Variants in ANKRD33B observed in about 807,000 individuals in gnomAD.
The protein encoded by ANKRD33B is ankyrin repeat domain-containing protein 33B.
Under a neutral mutation model 21.5 loss-of-function variants are expected in ANKRD33B, and 6 were observed. That is an observed-to-expected ratio of 0.28 (90% CI 0.15 to 0.55). ANKRD33B has a LOEUF of 0.55. Among genes scored for constraint, ANKRD33B ranks in the 20% least tolerant of loss-of-function variants. ANKRD33B has a pLI of 0.94. For synonymous variants in ANKRD33B, 347 were observed against 342.4 expected, an observed-to-expected ratio of 1.01 and a Z score of -0.15; for missense variants, 698 against 747.2, an observed-to-expected ratio of 0.93 and a Z score of 0.77.
chr5:10,623,157 G>C (rs1348895628), intron 2 of ANKRD33B, among the ~76,000 whole-genome samples: 1 of 152,162 alleles, frequency 6.6e-6, no homozygotes, highest in South Asian at 2.1e-4. Flanking sequence ...GGAGCTTAGT[G>C]CCCTCCCTGG....
intron 1 of ANKRD33B, among the ~76,000 whole-genome samples, chr5:10,585,438 T>C (rs531961903): frequency 1.3e-5 from 2 of 152,340 alleles, no homozygotes; most frequent in Non-Finnish European, 2.9e-5. Flanking sequence ...TAGGTCTGAC[T>C]TCGAGTCTCC....
In ANKRD33B at chr5:10,616,564, C is replaced by CAA. The variant is rs56895208; in HGVS notation, c.367-1752_367-1751dup. 1.3e-3 allele frequency among the ~76,000 whole-genome samples: 158 copies of CAA among 117,540 alleles called. 11 individuals carry two copies. Among genetic ancestry groups the CAA allele is most frequent in the Non-Finnish European group, 1.6e-3 (95 of 59,690 alleles). 77.1% of individuals were successfully genotyped at this position (117,540 alleles called of 152,430 possible). A position where few individuals can be genotyped will look rare whatever the true frequency, so the allele number is the denominator to read the frequency against. On this transcript the variant is annotated intron_variant, in intron 1 of 3. Coordinates refer to ENST00000296657, the MANE Select transcript of ANKRD33B (RefSeq NM_001164440.2). ...GGGCAACAAGAGTGAAACTCTGTCT[C>CAA]AAAAAAAAAAAAAAAAAATCTGGTG...
At chr5:10,635,914 A>G (rs1365283894) in intron 2 of ANKRD33B, among the ~76,000 whole-genome samples, 1 of 152,230 alleles carries the variant, frequency 6.6e-6, no homozygotes, top group East Asian at 1.9e-4. Context: ...TGCCTACTGG[A>G]GATCTCAGCC....
intron 3 of ANKRD33B, among the ~76,000 whole-genome samples, chr5:10,638,494 C>T (rs1736928160): frequency 4.6e-5 from 7 of 152,230 alleles, no homozygotes; most frequent in Admixed American, 4.6e-4. Context: ...AAGGGGTGAT[C>T]CCTTGGCTGT....
intron 1 of ANKRD33B, among the ~76,000 whole-genome samples, chr5:10,609,543 A>C (rs1224130477): frequency 6.6e-6 from 1 of 152,108 alleles, no homozygotes; most frequent in East Asian, 1.9e-4. Flanking sequence ...CTGTCTCCAA[A>C]AAAAATTTTC....
rs1200396106 is a variant in ANKRD33B at position 10,564,293 on chromosome 5, C to T, written c.-175C>T. ...CCACCCCAGGGGCTCGCTCAGCCTC[C>T]GGAGACTTTTTTCTTTGAGCGCAGC... On this transcript the variant is annotated 5_prime_UTR_variant, in exon 1 of 4. Transcript: ENST00000296657. The T allele has an allele frequency of 6.8e-6, 2 of 296,238 alleles. No individual in the cohort carries two copies. Among genetic ancestry groups the T allele is most frequent in the Admixed American group, 1.3e-4 (2 of 15,876 alleles). The allele number at this position is 296,238 out of a possible 1,614,324, so 18.4% of individuals were successfully genotyped here.
intron 3 of ANKRD33B, among the ~76,000 whole-genome samples, chr5:10,641,158 G>C (rs1427344167): frequency 2.0e-5 from 3 of 151,324 alleles, no homozygotes; most frequent in Non-Finnish European, 2.9e-5. Flanking sequence ...TCTGTTCCAG[G>C]ACCCCTGCTG....
At chr5:10,620,367 T>G (rs151294565) in intron 2 of ANKRD33B, among the ~76,000 whole-genome samples, 1 of 152,144 alleles carries the variant, frequency 6.6e-6, no homozygotes, top group South Asian at 2.1e-4. Flanking sequence ...CTGGCTATCA[T>G]GACTTTGAAA....
At position 10,632,143 on chromosome 5, in the gene ANKRD33B, C is replaced by T. The variant is rs76073289; in HGVS notation, c.497-5885C>T. ...GGGGTCGGTTCAGTCCGTTGGATGG[C>T]TCAGGATTTCACTTTTCCTTCTCGG... On this transcript the variant is annotated intron_variant, in intron 2 of 3. Transcript: ENST00000296657. Among the ~76,000 whole-genome samples the T allele has an allele frequency of 1.8e-4, 27 of 151,904 alleles. 2 individuals carry two copies. In the East Asian group the frequency reaches 5.2e-3, roughly 29 times the overall value.
chr5:10,618,484 T>C lies in ANKRD33B; in HGVS notation c.496+22T>C, dbSNP rs557389952. 1.3e-5 allele frequency: 20 copies of C among 1,511,460 alleles called. No homozygotes were observed. The African/African-American group carries it at 2.6e-4, about 20-fold the overall frequency. The allele number at this position is 1,511,460 out of a possible 1,614,324, so 93.6% of individuals were successfully genotyped here. On this transcript the variant is annotated intron_variant, in intron 2 of 3. Coordinates refer to ENST00000296657, the MANE Select transcript of ANKRD33B (RefSeq NM_001164440.2). ...GCAGGTAAGAGCTGGCTTTCCCCTT[T>C]CCTCTCAGAGCCGTGGCCAGAGCAC...
intron 2 of ANKRD33B, among the ~76,000 whole-genome samples, chr5:10,630,879 A>AG: frequency 6.6e-6 from 1 of 151,714 alleles, no homozygotes; most frequent in South Asian, 2.1e-4. Flanking sequence ...TCAAAAAAAA[A>AG]AAAAAAAGAA....
At position 10,649,854 on chromosome 5, in the gene ANKRD33B, T is replaced by G; in HGVS notation, c.1226T>G (p.Leu409Arg). The G allele has an allele frequency of 7.0e-7, 1 of 1,423,556 alleles. No individual in the cohort carries two copies. The highest frequency in any genetic ancestry group is 9.1e-7 in the Non-Finnish European group (1 of 1,094,252). 88.2% of individuals were successfully genotyped at this position (1,423,556 alleles called of 1,614,324 possible). A position where few individuals can be genotyped will look rare whatever the true frequency, so the allele number is the denominator to read the frequency against. ...CCGCGGAAGGCCAGCCTCCTGCCCC[T>G]GCAGCGCCTGCGGCGGAGAAGCGTG... Reference protein sequence around the residue: ...PAPRKASLLPLQRLRRRSVRP... With the variant: ...PAPRKASLLPRQRLRRRSVRP... Residue 409 changes from leucine (L) to arginine (R), a missense_variant, in exon 4 of 4, where the codon CTG (leucine) becomes CGG (arginine). By Grantham distance (102) the Leu-to-Arg change is moderately radical (BLOSUM62 -2). Around this residue, in one of 3 missense-constraint regions of ANKRD33B, gnomAD observed 543 missense variants for 566.5 expected, o/e 0.96. Coordinates refer to ENST00000296657, the MANE Select transcript of ANKRD33B (RefSeq NM_001164440.2).
chr5:10,622,377 A>G (rs1267583969), intron 2 of ANKRD33B, among the ~76,000 whole-genome samples: 2 of 152,220 alleles, frequency 1.3e-5, no homozygotes, highest in African/African-American at 4.8e-5. Context: ...CACCACTGCT[A>G]CCAGCATCAG....
chr5:10,586,666 AT>A (rs1171968290), intron 1 of ANKRD33B, among the ~76,000 whole-genome samples: 2 of 152,154 alleles, frequency 1.3e-5, no homozygotes, highest in Non-Finnish European at 2.9e-5. Flanking sequence ...AATTTAGGAA[AT>A]TGCTCTTGGT....
At position 10,601,834 on chromosome 5, in the gene ANKRD33B, C is replaced by A. The variant is rs998018061; in HGVS notation, c.367-16499C>A. 2.0e-5 allele frequency among the ~76,000 whole-genome samples: 3 copies of A among 152,304 alleles called. No individual in the cohort carries two copies. The East Asian group carries it at 5.8e-4, about 29-fold the overall frequency. ...CAAGCCACAATATCTCGAGATCTGC[C>A]CTTCTCCTTTGACCACTCCACCCCA... On this transcript the variant is annotated intron_variant, in intron 1 of 3. Coordinates refer to ENST00000296657, the MANE Select transcript of ANKRD33B (RefSeq NM_001164440.2).
chr5:10,650,118 C>T lies in ANKRD33B; in HGVS notation c.*5C>T, dbSNP rs1737308154. The T allele has an allele frequency of 6.7e-7, 1 of 1,496,126 alleles. No individual in the cohort carries two copies. Among genetic ancestry groups the T allele is most frequent in the Admixed American group, 2.1e-5 (1 of 47,012 alleles). The allele number at this position is 1,496,126 out of a possible 1,614,324, so 92.7% of individuals were successfully genotyped here. On this transcript the variant is annotated 3_prime_UTR_variant, in exon 4 of 4. Transcript: ENST00000296657. Reference sequence around the variant, plus strand: ...CCCTGGAAGAAGAGGACGTGAGGGCCCGTGTGCCTGGCGCTGGGGCCGGGG... The same window carrying T: ...CCCTGGAAGAAGAGGACGTGAGGGCTCGTGTGCCTGGCGCTGGGGCCGGGG...
In ANKRD33B at chr5:10,650,214, C is replaced by A; in HGVS notation, c.*101C>A. Reference sequence around the variant, plus strand: ...GGCCCCGTTGCGCATCGCACCACTTCCGCTCCATGGACCACGGGGCTGCGC... The same window carrying A: ...GGCCCCGTTGCGCATCGCACCACTTACGCTCCATGGACCACGGGGCTGCGC... On this transcript the variant is annotated 3_prime_UTR_variant, in exon 4 of 4. Transcript: ENST00000296657. 8.0e-7 allele frequency: 1 copy of A among 1,251,568 alleles called. No individual in the cohort carries two copies. The highest frequency in any genetic ancestry group is 1.0e-6 in the Non-Finnish European group (1 of 958,910). 77.5% of individuals were successfully genotyped at this position (1,251,568 alleles called of 1,614,324 possible).
rs1735002974 is a variant in ANKRD33B, at chr5:10,564,571, C to A, written c.104C>A (p.Ala35Asp). ...GGCGCGCAGGTCGAGGAGGACCCCG[C>A]TGACTACGAAGAGTTTGAGGACTTC... Reference protein sequence around the residue: ...PRGAQVEEDPADYEEFEDFSS... With the variant: ...PRGAQVEEDPDDYEEFEDFSS... The change falls in exon 1 of 4, where the codon GCT (alanine) becomes GAT (aspartate). Residue 35 changes from alanine (A) to aspartate (D), a missense_variant. This residue lies in a region of ANKRD33B where 148 missense variants were observed against 154.9 expected (regional missense o/e 0.96). Transcript: ENST00000296657. 2 of 1,534,254 alleles carry A rather than the reference C, an allele frequency of 1.3e-6. No homozygotes were observed. The highest frequency in any genetic ancestry group is 3.9e-5 in the Admixed American group (2 of 50,976).
chr5:10,645,861 T>G (rs550369233), intron 3 of ANKRD33B, among the ~76,000 whole-genome samples: 1 of 152,318 alleles, frequency 6.6e-6, no homozygotes, highest in Admixed American at 6.5e-5. Context: ...TAGATTCCAA[T>G]AGTGATTCTC....
Sources: gnomAD v4.1 joint callset for allele counts (sites outside exome capture counted in the v4.1 genomes callset) on GRCh38, gnomAD v4.1.1 for gene constraint, gnomAD v4.1.1 regional missense constraint, MANE v1.5 for transcripts, NCBI Gene and HGNC (gene_info 2026-07-23, HGNC 2026-07-21) for gene names.